RYR2: variants seen among roughly 807,000 people sequenced by gnomAD.
RYR2 encodes the protein cardiac muscle ryanodine receptor-calcium release channel.
Under a neutral mutation model 601.1 loss-of-function variants are expected in RYR2, and 227 were observed. That is an observed-to-expected ratio of 0.38 (90% CI 0.34 to 0.42). The LOEUF (loss-of-function observed/expected upper bound fraction) is 0.42. Ranked by LOEUF, RYR2 falls within the 10% of genes least tolerant of loss-of-function variation. RYR2 has a pLI of 1.00. For synonymous variants in RYR2, 2,223 were observed against 2,175.1 expected (o/e 1.02, Z -0.61); for missense variants, 4,646 against 6,156.5 (o/e 0.75, Z 8.21).
intron 1 of RYR2, among the ~76,000 whole-genome samples, chr1:237,096,755 G>C (rs1667545780): frequency 6.6e-6 from 1 of 152,234 alleles, no homozygotes. Flanking sequence ...AGTTCCAGAA[G>C]AGTACAAACT....
chr1:237,569,808 T>G (rs2148280568), intron 29 of RYR2, among the ~76,000 whole-genome samples: 1 of 152,334 alleles, frequency 6.6e-6, no homozygotes, highest in Non-Finnish European at 1.5e-5. Context: ...GTACAGTTTC[T>G]GTTTAGTGGC....
chr1:237,585,691 A>G lies in RYR2; in HGVS notation c.3599-4102A>G, dbSNP rs1674449929. Among the ~76,000 whole-genome samples, 3 of 152,136 alleles carry G rather than the reference A, an allele frequency of 2.0e-5. No individual in the cohort carries two copies. The South Asian group carries it at 6.2e-4, about 32-fold the overall frequency. On this transcript the variant is annotated intron_variant, in intron 29 of 104. Coordinates refer to ENST00000366574, the MANE Select transcript of RYR2 (RefSeq NM_001035.3). Reference sequence around the variant, plus strand: ...ATTTCAGAAGTAAGAATATGATTTGATTTTTCCTGTTAAGTTCTGCTTCAC... The same window carrying G: ...ATTTCAGAAGTAAGAATATGATTTGGTTTTTCCTGTTAAGTTCTGCTTCAC...
At chr1:237,166,638 G>A (rs1676745607) in intron 1 of RYR2, among the ~76,000 whole-genome samples, 1 of 152,148 alleles carries the variant, frequency 6.6e-6, no homozygotes, top group Non-Finnish European at 1.5e-5. Flanking sequence ...ACGTCATTGA[G>A]TCATGTAATG....
intron 17 of RYR2, among the ~76,000 whole-genome samples, chr1:237,475,111 G>T (rs550355184): frequency 1.1e-4 from 16 of 152,246 alleles, no homozygotes; most frequent in African/African-American, 3.6e-4. Flanking sequence ...AACTCTATAG[G>T]TTAGGTAACA....
At chr1:237,641,690 T>G (rs1681566974) in intron 47 of RYR2, among the ~76,000 whole-genome samples, 1 of 152,006 alleles carries the variant, frequency 6.6e-6, no homozygotes, top group Non-Finnish European at 1.5e-5. Context: ...TACAGGCACA[T>G]GCCACCACGC....
At chr1:237,223,679 G>A (rs910911447) in intron 1 of RYR2, among the ~76,000 whole-genome samples, 1 of 152,186 alleles carries the variant, frequency 6.6e-6, no homozygotes, top group African/African-American at 2.4e-5. Flanking sequence ...GGCAAAGGAT[G>A]TGTGACTTCT....
rs1310644660 is a variant in RYR2 at position 237,731,981 on chromosome 1, TG to T, written c.10936-64del. 9.1e-6 allele frequency: 9 copies of T among 986,526 alleles called. No individual in the cohort carries two copies. In the Admixed American group the frequency reaches 1.1e-4, roughly 12 times the overall value. The allele number at this position is 986,526 out of a possible 1,614,324, so 61.1% of individuals were successfully genotyped here. A position where few individuals can be genotyped will look rare whatever the true frequency, so the allele number is the denominator to read the frequency against. On this transcript the variant is annotated intron_variant, in intron 77 of 104. Coordinates refer to ENST00000366574, the MANE Select transcript of RYR2 (RefSeq NM_001035.3). ...TATTCTTCATTGCTGTCCTTCACAG[TG>T]CTTTTGGATTTGAGTGAACATTTTT... is the stretch of plus-strand genomic sequence containing the variant.
At chr1:237,496,271 G>C (rs1664061846) in intron 19 of RYR2, among the ~76,000 whole-genome samples, 1 of 152,146 alleles carries the variant, frequency 6.6e-6, no homozygotes, top group Admixed American at 6.5e-5. Flanking sequence ...AGTTGGGCGT[G>C]GTGGCACTCG....
chr1:237,674,380 C>T (rs1685214691), intron 59 of RYR2, among the ~76,000 whole-genome samples, 161 bp downstream of exon 59: 1 of 152,060 alleles, frequency 6.6e-6, no homozygotes, highest in Non-Finnish European at 1.5e-5. Context: ...ATTAACACCC[C>T]TAGCTGTGTA....
intron 14 of RYR2, among the ~76,000 whole-genome samples, chr1:237,453,648 T>C (rs1658461448): frequency 6.6e-6 from 1 of 152,142 alleles, no homozygotes; most frequent in Admixed American, 6.6e-5. Context: ...ATTGTATGCA[T>C]TGTTTTAAAA....
rs112873633 is a variant in RYR2, at chr1:237,614,894, G to A, written c.5715+51G>A. On this transcript the variant is annotated intron_variant, in intron 37 of 104. Transcript: ENST00000366574. The surrounding 1 kb of genome is among the most constrained non-coding windows in gnomAD (Gnocchi z 4.3). ...AATTTCAGAATTGCTAAGCATTAAG[G>A]TATTAGAACATGCCTTTGTTTCTTT... 3.5e-4 allele frequency: 529 copies of A among 1,494,342 alleles called. 5 individuals are homozygous for A. The African/African-American group carries it at 6.3e-3, about 18-fold the overall frequency. The allele number at this position is 1,494,342 out of a possible 1,614,324, so 92.6% of individuals were successfully genotyped here.
chr1:237,777,959 A>G (rs2149332965), intron 87 of RYR2, among the ~76,000 whole-genome samples: 1 of 152,282 alleles, frequency 6.6e-6, no homozygotes, highest in Non-Finnish European at 1.5e-5. Flanking sequence ...CTCTAGTTAG[A>G]AGTTAGCTGG....
In RYR2 at chr1:237,699,019, A is replaced by T; in HGVS notation, c.9122A>T (p.Asp3041Val). 6.6e-7 allele frequency: 1 copy of T among 1,503,770 alleles called. No individual in the cohort carries two copies. The highest frequency in any genetic ancestry group is 9.1e-7 in the Non-Finnish European group (1 of 1,100,484). The allele number at this position is 1,503,770 out of a possible 1,614,324, so 93.2% of individuals were successfully genotyped here. A position where few individuals can be genotyped will look rare whatever the true frequency, so the allele number is the denominator to read the frequency against. ...CTTCATATTTTGGGTCAGACTTTGG[A>T]TGCAAGGTAAATGGATACATTTTTA... ...NCLHILGQTL[D>V]ARTVMKTGLE... Residue 3041 changes from aspartate to valine, a missense_variant, in exon 64 of 105, where the codon GAT becomes GTT. By Grantham distance (152) the Asp-to-Val change is radical (BLOSUM62 -3). Transcript: ENST00000366574.
At chr1:237,605,153 C>T (rs929596406) in intron 35 of RYR2, among the ~76,000 whole-genome samples, 1 of 152,174 alleles carries the variant, frequency 6.6e-6, no homozygotes, top group African/African-American at 2.4e-5. Context: ...CTCTGATGAA[C>T]ATCGATGCAA....
intron 2 of RYR2, among the ~76,000 whole-genome samples, chr1:237,308,138 A>G (rs1398056520): frequency 6.6e-6 from 1 of 152,240 alleles, no homozygotes; most frequent in Non-Finnish European, 1.5e-5. Context: ...GTTTAAACAG[A>G]CCCAGACTTA....
chr1:237,122,370 C>T (rs2148654471), intron 1 of RYR2, among the ~76,000 whole-genome samples: 1 of 152,300 alleles, frequency 6.6e-6, no homozygotes, highest in Middle Eastern at 3.4e-3. Context: ...TGATGGCTTA[C>T]ATGGGATGAA....
intron 10 of RYR2, among the ~76,000 whole-genome samples, chr1:237,394,371 C>T (rs892854325): frequency 7.9e-5 from 12 of 152,144 alleles, no homozygotes; most frequent in East Asian, 3.9e-4. Flanking sequence ...CAAAACATAC[C>T]TATTTTCCCT....
chr1:237,802,721 G>A (rs570963825), intron 98 of RYR2, among the ~76,000 whole-genome samples: 5 of 152,328 alleles, frequency 3.3e-5, no homozygotes, highest in South Asian at 2.1e-4. Flanking sequence ...GCTCTAGTTG[G>A]CATTTTCCAC....
chr1:237,738,780 GT>G (rs1691361998), intron 79 of RYR2, among the ~76,000 whole-genome samples: 5 of 152,112 alleles, frequency 3.3e-5, no homozygotes, highest in Admixed American at 2.6e-4. Flanking sequence ...TCACCTCTGT[GT>G]TTTTGCTAAT....
Sources: allele counts gnomAD v4.1 joint callset (sites outside exome capture counted in the v4.1 genomes callset), GRCh38; gene constraint gnomAD v4.1.1; non-coding constraint Gnocchi (gnomAD v3.1); transcripts MANE v1.5; gene names NCBI Gene and HGNC (gene_info 2026-07-23, HGNC 2026-07-21).